Variants in ARB2A observed in about 807,000 individuals in gnomAD.
ARB2A encodes cotranscriptional regulator ARB2A.
the ARB2A span, among the ~76,000 whole-genome samples, chr5:94,033,784 G>A: frequency 1.3e-5 from 2 of 152,160 alleles, no homozygotes; most frequent in Non-Finnish European, 2.9e-5. Flanking sequence ...CAAATGGAGT[G>A]CTATGGTTTG....
chr5:93,765,184 G>T, the ARB2A span, among the ~76,000 whole-genome samples: 1 of 152,208 alleles, frequency 6.6e-6, no homozygotes, highest in East Asian at 1.9e-4. Context: ...AGTGTTGGAA[G>T]TTCTGGCCAG....
At chr5:93,736,940 C>T in the ARB2A span, 1 of 152,134 alleles carries the variant, frequency 6.6e-6, no homozygotes, top group African/African-American at 2.4e-5. Flanking sequence ...CACAGTACTA[C>T]ACATTTTTGC....
At chr5:93,845,000 GCTT>G in the ARB2A span, among the ~76,000 whole-genome samples, 1 of 152,188 alleles carries the variant, frequency 6.6e-6, no homozygotes, top group African/African-American at 2.4e-5. Flanking sequence ...ACCATGGAAA[GCTT>G]AGAAACAGAA....
chr5:94,111,665 G>C, the ARB2A span: 4 of 152,346 alleles, frequency 2.6e-5, no homozygotes, highest in African/African-American at 9.6e-5. Flanking sequence ...GGGGTCTTCA[G>C]GAGATTGATA....
the ARB2A span, among the ~76,000 whole-genome samples, chr5:94,015,556 GC>G: frequency 6.6e-6 from 1 of 152,094 alleles, no homozygotes; most frequent in South Asian, 2.1e-4. Flanking sequence ...CTAGTATGAA[GC>G]CCAAAAGTCA....
chr5:94,013,522 G>C, the ARB2A span, among the ~76,000 whole-genome samples: 1 of 151,920 alleles, frequency 6.6e-6, no homozygotes, highest in Non-Finnish European at 1.5e-5. Context: ...AAGAATTTCT[G>C]TTAGTTACTG....
the ARB2A span, among the ~76,000 whole-genome samples, chr5:93,989,626 G>A: frequency 9.2e-5 from 14 of 152,062 alleles, no homozygotes; most frequent in Non-Finnish European, 1.9e-4. Flanking sequence ...GATCCACATC[G>A]TCTCTGTGAT....
the ARB2A span, among the ~76,000 whole-genome samples, chr5:94,034,905 A>G: frequency 1.6e-3 from 237 of 152,288 alleles, no homozygotes; most frequent in Non-Finnish European, 2.4e-3. Flanking sequence ...TCATAGGAAC[A>G]TAAACCCTAC....
At chr5:93,869,089 T>A in the ARB2A span, among the ~76,000 whole-genome samples, 6 of 152,206 alleles carry the variant, frequency 3.9e-5, no homozygotes, top group Non-Finnish European at 8.8e-5. Flanking sequence ...TGTATAACTA[T>A]GAGTAAGTCT....
At chr5:93,631,331 C>T in the ARB2A span, among the ~76,000 whole-genome samples, 228 of 152,246 alleles carry the variant, frequency 1.5e-3, 1 homozygote, top group African/African-American at 5.1e-3. Flanking sequence ...AAAATATAGA[C>T]AGCTGTTATA....
the ARB2A span, among the ~76,000 whole-genome samples, chr5:94,042,450 C>A: frequency 6.6e-6 from 1 of 151,256 alleles, no homozygotes; most frequent in Non-Finnish European, 1.5e-5. Flanking sequence ...GGATTACAGG[C>A]GCCCGCCACC....
At chr5:93,738,047 A>T in the ARB2A span, 1 of 348,966 alleles carries the variant, frequency 2.9e-6, no homozygotes, top group African/African-American at 2.2e-5. Flanking sequence ...ACAGAATGGG[A>T]GAAAATACTT....
At chr5:94,095,892 C>T in the ARB2A span, among the ~76,000 whole-genome samples, 3 of 152,064 alleles carry the variant, frequency 2.0e-5, no homozygotes, top group African/African-American at 7.2e-5. Flanking sequence ...TTTCCCTGCT[C>T]ATTTATCTCT....
chr5:93,641,313 T>C, the ARB2A span, among the ~76,000 whole-genome samples: 31 of 152,180 alleles, frequency 2.0e-4, no homozygotes, highest in African/African-American at 7.2e-4. Flanking sequence ...ATGGGAATTA[T>C]TTCCCAAAGA....
chr5:93,743,410 TA>T, the ARB2A span: 1 of 274,776 alleles, frequency 3.6e-6, no homozygotes, highest in Non-Finnish European at 5.5e-6. Context: ...GCATTAATGG[TA>T]AAAAGACTTC....
the ARB2A span, among the ~76,000 whole-genome samples, chr5:93,638,949 T>C: frequency 6.6e-6 from 1 of 152,248 alleles, no homozygotes; most frequent in Non-Finnish European, 1.5e-5. Flanking sequence ...AATCATATCA[T>C]GTATGAATAA....
the ARB2A span, among the ~76,000 whole-genome samples, chr5:94,100,037 C>T: frequency 6.6e-6 from 1 of 152,106 alleles, no homozygotes; most frequent in African/African-American, 2.4e-5. Context: ...ATCTAGAAAA[C>T]CCCATGGTCT....
the ARB2A span, among the ~76,000 whole-genome samples, chr5:94,019,168 G>T: frequency 6.6e-6 from 1 of 152,110 alleles, no homozygotes. Context: ...ACTCATGATG[G>T]ATTAAAGATT....
chr5:94,078,106 A>G, the ARB2A span, among the ~76,000 whole-genome samples: 18 of 152,296 alleles, frequency 1.2e-4, no homozygotes, highest in African/African-American at 4.3e-4. Context: ...TTTTTTCTAC[A>G]TTTGTTTGTT....
Sources: allele counts gnomAD v4.1 joint callset (sites outside exome capture counted in the v4.1 genomes callset), GRCh38; gene constraint gnomAD v4.1.1; transcripts MANE v1.5; gene names NCBI Gene and HGNC (gene_info 2026-07-23, HGNC 2026-07-21).